SCN8A: variants seen among roughly 807,000 people sequenced by gnomAD.
The protein encoded by SCN8A is sodium voltage-gated channel alpha subunit 8, also known as sodium channel protein type 8 subunit alpha.
In SCN8A, 30 loss-of-function variants were observed where a neutral mutation model predicts 184.1. The ratio of observed to expected loss-of-function variants is 0.16; its 90% CI spans 0.12 to 0.22. SCN8A has a LOEUF of 0.22. Ranked by LOEUF, SCN8A falls within the 10% of genes least tolerant of loss-of-function variation. The pLI, the probability that SCN8A is intolerant of heterozygous loss-of-function variation, is 1.00. For synonymous variants in SCN8A, 852 were observed against 907.0 expected (o/e 0.94, Z 1.09); for missense variants, 1,057 against 2,498.9 (o/e 0.42, Z 12.30).
intron 12 of SCN8A, among the ~76,000 whole-genome samples, chr12:51,725,814 A>G (rs1261642026): frequency 6.6e-6 from 1 of 152,248 alleles, no homozygotes; most frequent in Non-Finnish European, 1.5e-5. Flanking sequence ...GAAGCCCAAG[A>G]CAGATGAAAA....
intron 2 of SCN8A, among the ~76,000 whole-genome samples, chr12:51,663,597 G>A (rs998134383): frequency 6.6e-6 from 1 of 152,158 alleles, no homozygotes; most frequent in Non-Finnish European, 1.5e-5. Flanking sequence ...GACAGACCCA[G>A]GTCATTGGCC....
chr12:51,804,610 C>T (rs1389383631), intron 26 of SCN8A, among the ~76,000 whole-genome samples: 1 of 152,186 alleles, frequency 6.6e-6, no homozygotes, highest in African/African-American at 2.4e-5. Flanking sequence ...ATGCCTCAGC[C>T]TCCTGAATAG....
rs1386653667 is a variant in SCN8A, at chr12:51,699,748, T to C, written c.885T>C (p.Asn295=). The C allele has an allele frequency of 3.7e-6, 6 of 1,613,850 alleles. No individual in the cohort carries two copies. The highest frequency in any genetic ancestry group is 5.1e-6 in the Non-Finnish European group (6 of 1,179,834). ...ACTTCAACGAGAGCTATCTTGAAAA[T>C]GGCACCAAAGGCTTTGATTGGGAAG... is the stretch of plus-strand genomic sequence containing the variant. ...PINFNESYLE[N]GTKGFDWEEY... is the part of the protein sequence containing the mutation. The change falls in exon 7 of 27, where the codon AAT becomes AAC. Residue 295 remains asparagine (N), a synonymous_variant. Transcript: ENST00000627620.
chr12:51,634,208 G>T (rs1019628989), intron 1 of SCN8A, among the ~76,000 whole-genome samples: 5 of 152,194 alleles, frequency 3.3e-5, no homozygotes, highest in African/African-American at 1.2e-4. Context: ...TGATCAATAT[G>T]TTGCATTTAT....
chr12:51,615,332 A>G lies in SCN8A; in HGVS notation c.-55+23973A>G, dbSNP rs1037676475. Among the ~76,000 whole-genome samples, 12 of 152,282 alleles carry G rather than the reference A, an allele frequency of 7.9e-5. No homozygotes were observed. The East Asian group carries it at 1.9e-3, about 25-fold the overall frequency. On this transcript the variant is annotated intron_variant, in intron 1 of 26. Coordinates refer to ENST00000627620, the MANE Select transcript of SCN8A (RefSeq NM_001330260.2). ...CACTTTGGGAGGCCAAGGTGGGCAG[A>G]TCGCTTGAGCCCAGGAATTTGAGAC... is the stretch of plus-strand genomic sequence containing the variant.
chr12:51,779,614 G>A (rs1190786462), intron 20 of SCN8A, among the ~76,000 whole-genome samples: 3 of 152,204 alleles, frequency 2.0e-5, no homozygotes, highest in South Asian at 2.1e-4. Context: ...GTCAGGCAGT[G>A]GAGGTCTTTA....
At position 51,626,499 on chromosome 12, in the gene SCN8A, T is replaced by TG. The variant is rs1462065320; in HGVS notation, c.-55+35141dup. Among the ~76,000 whole-genome samples the TG allele has an allele frequency of 2.6e-5, 4 of 152,350 alleles. No homozygotes were observed. In the East Asian group the frequency reaches 7.7e-4, roughly 29 times the overall value. On this transcript the variant is annotated intron_variant, in intron 1 of 26. Transcript: ENST00000627620. Reference sequence around the variant, plus strand: ...TGAAATGGGTACAGAAATTTATAGATGAAGACTTTGTCCTCAAGGAGCTCG... The same window carrying TG: ...TGAAATGGGTACAGAAATTTATAGATGGAAGACTTTGTCCTCAAGGAGCTCG...
At chr12:51,744,539 CCAAA>C (rs1300173379) in intron 12 of SCN8A, among the ~76,000 whole-genome samples, 2 of 151,640 alleles carry the variant, frequency 1.3e-5, no homozygotes, top group African/African-American at 4.9e-5. Flanking sequence ...TGTAGCTTTG[CCAAA>C]CAAACAAAAC....
intron 14 of SCN8A, among the ~76,000 whole-genome samples, chr12:51,754,183 C>T (rs1278586272): frequency 6.6e-6 from 1 of 152,046 alleles, no homozygotes; most frequent in Non-Finnish European, 1.5e-5. Context: ...TATACAGCCT[C>T]TATGTTATGT....
intron 9 of SCN8A, among the ~76,000 whole-genome samples, chr12:51,704,720 A>G (rs1451550093): frequency 6.6e-6 from 1 of 150,988 alleles, no homozygotes; most frequent in Admixed American, 6.6e-5. Flanking sequence ...CACGCCTGTA[A>G]TCCCAGCACT....
chr12:51,640,046 G>C (rs1400430970), intron 1 of SCN8A, among the ~76,000 whole-genome samples: 3 of 146,820 alleles, frequency 2.0e-5, no homozygotes, highest in Middle Eastern at 3.5e-3. Context: ...TGGGACTATG[G>C]GTGTGCACCA....
At chr12:51,698,051 A>G (rs1443318840) in intron 6 of SCN8A, among the ~76,000 whole-genome samples, 1 of 152,062 alleles carries the variant, frequency 6.6e-6, no homozygotes, top group Non-Finnish European at 1.5e-5. Flanking sequence ...ATGGGGTTTC[A>G]CCGTGTTGGC....
At chr12:51,681,006 A>AAATAAT (rs953949414) in intron 2 of SCN8A, among the ~76,000 whole-genome samples, 1 of 151,934 alleles carries the variant, frequency 6.6e-6, no homozygotes, top group Non-Finnish European at 1.5e-5. Flanking sequence ...CTCTGTCTCA[A>AAATAAT]AATAATAATA....
intron 19 of SCN8A, among the ~76,000 whole-genome samples, chr12:51,772,793 A>T (rs1447275669): frequency 6.7e-6 from 1 of 149,284 alleles, no homozygotes; most frequent in African/African-American, 2.5e-5. Flanking sequence ...ATCCTGGCTA[A>T]CACGGTGAAA....
Position 51,701,823 on chromosome 12 carries a change from G to C in SCN8A, c.992+616G>C, listed in dbSNP as rs943284375. 2.0e-5 allele frequency among the ~76,000 whole-genome samples: 3 copies of C among 152,102 alleles called. No individual in the cohort carries two copies. In the East Asian group the frequency reaches 5.8e-4, roughly 29 times the overall value. On this transcript the variant is annotated intron_variant, in intron 8 of 26. Transcript: ENST00000627620. ...AAATGTAGGGTGGTAGTGTCATTTT[G>C]CAGAGTATATTGGTCCTCTAAGAAC...
At chr12:51,705,886 A>G (rs1941775262) in intron 10 of SCN8A, among the ~76,000 whole-genome samples, 1 of 152,218 alleles carries the variant, frequency 6.6e-6, no homozygotes. Flanking sequence ...GGGAAGAAAA[A>G]AGTGACCAGG....
At chr12:51,753,790 T>TA (rs900178257) in intron 14 of SCN8A, among the ~76,000 whole-genome samples, 1 of 152,228 alleles carries the variant, frequency 6.6e-6, no homozygotes, top group Non-Finnish European at 1.5e-5. Context: ...AAGTATCTTA[T>TA]AAATCTTAGG....
chr12:51,658,882 G>T (rs1378741639), intron 1 of SCN8A, among the ~76,000 whole-genome samples: 1 of 152,086 alleles, frequency 6.6e-6, no homozygotes, highest in Non-Finnish European at 1.5e-5. Context: ...GTCATTCCAA[G>T]TGTTGATGAG....
chr12:51,804,728 A>G (rs1212298312), intron 26 of SCN8A, among the ~76,000 whole-genome samples: 2 of 152,112 alleles, frequency 1.3e-5, no homozygotes, highest in Non-Finnish European at 2.9e-5. Context: ...TGCCCACTTC[A>G]GCCTCCCAAA....
Sources: gnomAD v4.1 joint callset for allele counts (sites outside exome capture counted in the v4.1 genomes callset) on GRCh38, gnomAD v4.1.1 for gene constraint, MANE v1.5 for transcripts, NCBI Gene and HGNC (gene_info 2026-07-23, HGNC 2026-07-21) for gene names.